Variants in GLDC observed in about 807,000 individuals in gnomAD.
GLDC encodes the protein glycine decarboxylase.
Under a neutral mutation model 121.3 loss-of-function variants are expected in GLDC, and 104 were observed. The observed-to-expected ratio is 0.86, with a 90% CI of 0.73 to 1.01. GLDC has a LOEUF of 1.01. Among genes scored for constraint, GLDC ranks in the 50% least tolerant of loss-of-function variants. The pLI is 0.00. For missense variants in GLDC, 1,429 were observed against 1,306.6 expected (o/e 1.09, Z -1.44); for synonymous variants, 546 against 480.6 (o/e 1.14, Z -1.78).
Position 6,588,430 on chromosome 9 carries a change from T to C in GLDC, c.1678A>G (p.Met560Val), listed in dbSNP as rs1818312039. 1 of 1,612,356 alleles carries C rather than the reference T, an allele frequency of 6.2e-7. No individual in the cohort carries two copies. The highest frequency in any genetic ancestry group is 8.5e-7 in the Non-Finnish European group (1 of 1,178,336). Reference protein sequence around the residue: ...HSMIPLGSCTMKLNSSSELAP... With the variant: ...HSMIPLGSCTVKLNSSSELAP... ...AGTTCAGACGAACTGTTCAGTTTCA[T>C]GGTGCAGGATCCCTTTAAGAAGAAC... Residue 560 changes from methionine to valine, a missense_variant, in exon 14 of 25, where the codon ATG becomes GTG. Coordinates refer to ENST00000321612, the MANE Select transcript of GLDC (RefSeq NM_000170.3).
At chr9:6,592,722 T>A in intron 10 of GLDC, 129 bp downstream of exon 10, 2 of 819,998 alleles carry the variant, frequency 2.4e-6, no homozygotes, top group Non-Finnish European at 4.0e-6. Context: ...AAATAACACT[T>A]GTTTATGAAA....
At chr9:6,533,287 A>C (rs1198682044) in intron 24 of GLDC, 127 bp from the exon 25 acceptor site, 2 of 844,030 alleles carry the variant, frequency 2.4e-6, no homozygotes, top group African/African-American at 3.3e-5. Flanking sequence ...TGAGAACCTA[A>C]AATCCAACCC....
intron 11 of GLDC, among the ~76,000 whole-genome samples, chr9:6,591,343 T>A (rs144603511): frequency 1.3e-5 from 2 of 152,200 alleles, no homozygotes; most frequent in East Asian, 1.9e-4. Flanking sequence ...TCCCAGAACA[T>A]CTTCACACAT....
intron 7 of GLDC, among the ~76,000 whole-genome samples, chr9:6,602,876 C>G (rs1394751620): frequency 6.6e-6 from 1 of 151,838 alleles, no homozygotes; most frequent in Non-Finnish European, 1.5e-5. Context: ...CAGATTCCAC[C>G]AATCACGGAC....
intron 2 of GLDC, among the ~76,000 whole-genome samples, chr9:6,632,654 C>T (rs79426527): frequency 6.6e-4 from 101 of 152,340 alleles, no homozygotes; most frequent in Admixed American, 3.9e-3. Context: ...CAGCGACTCA[C>T]GTCCCTATTC....
intron 15 of GLDC, among the ~76,000 whole-genome samples, chr9:6,583,948 T>A (rs959095979): frequency 1.3e-5 from 2 of 152,188 alleles, no homozygotes; most frequent in African/African-American, 2.4e-5. Context: ...AGACGGATAA[T>A]GGTGATGGCT....
rs1818287644 is a variant in GLDC, at chr9:6,587,144, T to C, written c.1847A>G (p.Asn616Ser). ...TGYDQVCFQP[N>S]SGAQGEYAGL... ...ATAAGAAAAGAAATGCCCTTACCTGTTTGGCTGGAAACAGACCTGGTCATA... is the reference window on the plus strand; with the variant it reads ...ATAAGAAAAGAAATGCCCTTACCTGCTTGGCTGGAAACAGACCTGGTCATA... Residue 616 changes from asparagine (N) to serine (S), a missense_variant, in exon 15 of 25, where the codon AAC (asparagine) becomes AGC (serine). Coordinates refer to ENST00000321612, the MANE Select transcript of GLDC (RefSeq NM_000170.3). The C allele has an allele frequency of 8.1e-6, 13 of 1,612,872 alleles. No individual in the cohort carries two copies. Among genetic ancestry groups the C allele is most frequent in the Non-Finnish European group, 1.0e-5 (12 of 1,179,348 alleles).
intron 8 of GLDC, among the ~76,000 whole-genome samples, chr9:6,597,207 G>A (rs992091534): frequency 6.6e-6 from 1 of 152,166 alleles, no homozygotes. Context: ...GTTGCCAGGG[G>A]CTATAGGAAG....
chr9:6,551,227 A>T lies in GLDC; in HGVS notation c.2458-313T>A, dbSNP rs1309229371. Among the ~76,000 whole-genome samples the T allele has an allele frequency of 3.9e-5, 6 of 152,326 alleles. No homozygotes were observed. The South Asian group carries it at 1.2e-3, about 32-fold the overall frequency. ...GAGAAAAGAATTGTTCTTAAATTAC[A>T]TGTGTTTTGTGATTTTTTTGTTTGT... On this transcript the variant is annotated intron_variant, in intron 20 of 24. Transcript: ENST00000321612.
chr9:6,563,032 T>G (rs1817788894), intron 16 of GLDC, among the ~76,000 whole-genome samples: 1 of 152,122 alleles, frequency 6.6e-6, no homozygotes, highest in African/African-American at 2.4e-5. Context: ...CTCATGACAC[T>G]TCAGTGATGG....
chr9:6,602,909 A>AAAT (rs1818646279), intron 7 of GLDC, among the ~76,000 whole-genome samples: 1 of 152,188 alleles, frequency 6.6e-6, no homozygotes, highest in African/African-American at 2.4e-5. Flanking sequence ...AAAAAATAAA[A>AAAT]AATAATACAA....
intron 21 of GLDC, among the ~76,000 whole-genome samples, chr9:6,547,820 A>T (rs76537482): frequency 0.012 from 1,900 of 152,286 alleles, 39 homozygotes; most frequent in South Asian, 0.058. Context: ...ATATACATTT[A>T]AAAAATAGGC....
intron 21 of GLDC, among the ~76,000 whole-genome samples, chr9:6,545,921 G>A (rs1029458585): frequency 3.9e-5 from 6 of 152,152 alleles, no homozygotes; most frequent in African/African-American, 1.4e-4. Context: ...GATTATAGGC[G>A]TGAGCCACCA....
intron 21 of GLDC, among the ~76,000 whole-genome samples, chr9:6,550,452 C>T (rs1313028885): frequency 3.3e-5 from 5 of 152,034 alleles, no homozygotes; most frequent in Non-Finnish European, 7.4e-5. Flanking sequence ...TATGGTGAAA[C>T]CCTGTCTCTA....
chr9:6,552,412 A>C (rs1302634505), intron 20 of GLDC, among the ~76,000 whole-genome samples: 2 of 152,248 alleles, frequency 1.3e-5, no homozygotes, highest in Admixed American at 6.5e-5. Flanking sequence ...TTCTGCTTAC[A>C]AAGAAGCAGA....
rs1817554747 is a variant in GLDC, at chr9:6,553,371, G to A, written c.2454C>T (p.Ile818=). ...TGCACATACTCCCAGGCCTCACCTTGATATAAGCCCAGGAAATGGGCAAGA... is the reference window on the plus strand; with the variant it reads ...TGCACATACTCCCAGGCCTCACCTTAATATAAGCCCAGGAAATGGGCAAGA... ...SSILPISWAY[I]KMMGGKGLKQ... is the part of the protein sequence containing the mutation. Residue 818 remains isoleucine, a synonymous_variant, in exon 20 of 25, where the codon ATC becomes ATT. Transcript: ENST00000321612. 1 of 1,613,990 alleles carries A rather than the reference G, an allele frequency of 6.2e-7. No individual in the cohort carries two copies. Among genetic ancestry groups the A allele is most frequent in the South Asian group, 1.1e-5 (1 of 91,064 alleles).
chr9:6,598,813 G>A (rs1296179939), intron 8 of GLDC, among the ~76,000 whole-genome samples: 2 of 152,190 alleles, frequency 1.3e-5, no homozygotes, highest in Non-Finnish European at 2.9e-5. Context: ...ACAATTGCTG[G>A]AAAAGATACA....
Position 6,584,546 on chromosome 9 carries a change from T to TA in GLDC, c.1850+2594dup, listed in dbSNP as rs147555067. Reference sequence around the variant, plus strand: ...AGCCAAAATAGGATTGAAACAAGGTTAAAAAAATCACTTATATATGGAATA... The same window carrying TA: ...AGCCAAAATAGGATTGAAACAAGGTTAAAAAAAATCACTTATATATGGAATA... On this transcript the variant is annotated intron_variant, in intron 15 of 24. Transcript: ENST00000321612. Among the ~76,000 whole-genome samples the TA allele has an allele frequency of 5.9e-5, 9 of 152,254 alleles. No homozygotes were observed. The East Asian group carries it at 1.5e-3, about 26-fold the overall frequency.
intron 3 of GLDC, among the ~76,000 whole-genome samples, chr9:6,617,097 T>A (rs1203895277): frequency 1.3e-5 from 2 of 152,176 alleles, no homozygotes; most frequent in East Asian, 3.8e-4. Context: ...TATTTTCCCC[T>A]CACGTCTCCG....
Sources: allele counts gnomAD v4.1 joint callset (sites outside exome capture counted in the v4.1 genomes callset), GRCh38; gene constraint gnomAD v4.1.1; transcripts MANE v1.5; gene names NCBI Gene and HGNC (gene_info 2026-07-23, HGNC 2026-07-21).